NDE1: variants seen among roughly 807,000 people sequenced by gnomAD.
The protein encoded by NDE1 is nuclear distribution protein nudE homolog 1.
Under a neutral mutation model 43.4 loss-of-function variants are expected in NDE1, and 28 were observed. That is an observed-to-expected ratio of 0.65 (90% CI 0.48 to 0.89). The LOEUF is 0.89. NDE1 is among the 40% of genes least tolerant of loss of function. NDE1 has a pLI of 0.00. For synonymous variants in NDE1, 184 were observed against 172.0 expected (o/e 1.07, Z -0.55); for missense variants, 441 against 434.1 (o/e 1.02, Z -0.14).
chr16:15,658,623 A>G (rs376193889), intron 1 of NDE1, among the ~76,000 whole-genome samples: 46 of 152,324 alleles, frequency 3.0e-4, no homozygotes, highest in African/African-American at 1.0e-3. Context: ...AAGCAAAACT[A>G]CAAATCATTA....
chr16:15,686,418 T>G, intron 4 of NDE1: 1 of 985,446 alleles, frequency 1.0e-6, no homozygotes, highest in South Asian at 4.7e-5. Flanking sequence ...CCACAGTGTT[T>G]ATGCCCTTCA....
chr16:15,709,990 C>T lies in NDE1; in HGVS notation c.947+13130C>T, dbSNP rs149079935. On this transcript the variant is annotated intron_variant, in intron 8 of 8. Transcript: ENST00000396354. ...CTTGGTGAAACTCGCACTACAGTTC[C>T]TTCTTGGCTGAGGAGCCAGGCATGC... is the stretch of plus-strand genomic sequence containing the variant. Among the ~76,000 whole-genome samples the T allele has an allele frequency of 2.7e-4, 41 of 152,316 alleles. No homozygotes were observed. In the East Asian group the frequency reaches 7.5e-3, roughly 28 times the overall value.
chr16:15,719,400 C>G lies in NDE1; in HGVS notation c.948-4791C>G, dbSNP rs2040346946. 4 of 1,498,734 alleles carry G rather than the reference C, an allele frequency of 2.7e-6. No homozygotes were observed. The African/African-American group carries it at 5.5e-5, about 21-fold the overall frequency. The allele number at this position is 1,498,734 out of a possible 1,614,324, so 92.8% of individuals were successfully genotyped here. A position where few individuals can be genotyped will look rare whatever the true frequency, so the allele number is the denominator to read the frequency against. ...GACAACTCAGCCACCCTTGAAAGTA[C>G]ATGTTCTTCCTCTGAGCTCAGGGGA... On this transcript the variant is annotated intron_variant, in intron 8 of 8. Transcript: ENST00000396354.
At position 15,724,542 on chromosome 16, in the gene NDE1, T is replaced by C; in HGVS notation, c.*291T>C. 6.2e-7 allele frequency: 1 copy of C among 1,605,620 alleles called. No homozygotes were observed. The highest frequency in any genetic ancestry group is 8.5e-7 in the Non-Finnish European group (1 of 1,176,036). Reference sequence around the variant, plus strand: ...CCCAATAGCAGGGGAAGCTGGGGGGTCAAGCACCATCGCACCAACACTCCA... The same window carrying C: ...CCCAATAGCAGGGGAAGCTGGGGGGCCAAGCACCATCGCACCAACACTCCA... On this transcript the variant is annotated 3_prime_UTR_variant, in exon 9 of 9. Transcript: ENST00000396354.
At chr16:15,699,363 GA>G (rs2039145634) in intron 8 of NDE1, among the ~76,000 whole-genome samples, 1 of 150,814 alleles carries the variant, frequency 6.6e-6, no homozygotes, top group Non-Finnish European at 1.5e-5. Context: ...GGGCTCCAGC[GA>G]TCCTTCCACC....
intron 8 of NDE1, among the ~76,000 whole-genome samples, chr16:15,704,513 T>C (rs1248751112): frequency 2.6e-5 from 4 of 152,228 alleles, no homozygotes; most frequent in African/African-American, 4.8e-5. Context: ...GTCTTCTGAC[T>C]TTATTCATAG....
chr16:15,713,782 C>T (rs796657521), intron 8 of NDE1: 3 of 152,348 alleles, frequency 2.0e-5, no homozygotes, highest in East Asian at 3.9e-4. Context: ...CCGTGCCCAG[C>T]CAAGCTTGAG....
chr16:15,651,462 G>C (rs1402003023), intron 1 of NDE1: 1 of 62,336 alleles, frequency 1.6e-5, no homozygotes, highest in South Asian at 5.1e-4. Context: ...TTTTGTTTTT[G>C]AGACAGAGTC....
At chr16:15,687,088 C>T in intron 4 of NDE1, 1 of 1,285,278 alleles carries the variant, frequency 7.8e-7, no homozygotes, top group Non-Finnish European at 1.0e-6. Flanking sequence ...ATGCCACATG[C>T]AGTCCTGATA....
chr16:15,688,689 C>CTTTTTATTTTTA (rs1277177970), intron 5 of NDE1, among the ~76,000 whole-genome samples: 1 of 59,990 alleles, frequency 1.7e-5, no homozygotes, highest in Non-Finnish European at 3.0e-5. Context: ...TTGTTTTTAC[C>CTTTTTATTTTTA]TTTTTTTTTT....
At position 15,652,944 on chromosome 16, in the gene NDE1, A is replaced by G. The variant is rs75536368; in HGVS notation, c.-44+2650A>G. Among the ~76,000 whole-genome samples, 20 of 152,164 alleles carry G rather than the reference A, an allele frequency of 1.3e-4. No individual in the cohort carries two copies. The East Asian group carries it at 3.3e-3, about 25-fold the overall frequency. ...GCCTCCCAACGTGCCGGGGTGGGAGAGAGCCACCGCGCCTGGCCTAAGCTT... is the reference window on the plus strand; with the variant it reads ...GCCTCCCAACGTGCCGGGGTGGGAGGGAGCCACCGCGCCTGGCCTAAGCTT... On this transcript the variant is annotated intron_variant, in intron 1 of 8. Transcript: ENST00000396354.
chr16:15,699,276 T>C (rs1230093493), intron 8 of NDE1, among the ~76,000 whole-genome samples: 1 of 145,586 alleles, frequency 6.9e-6, no homozygotes, highest in Non-Finnish European at 1.5e-5. Flanking sequence ...TTTTTTTTTT[T>C]GGAGACAGGG....
In NDE1 at chr16:15,724,427, A is replaced by G; in HGVS notation, c.*176A>G. On this transcript the variant is annotated 3_prime_UTR_variant, in exon 9 of 9. Coordinates refer to ENST00000396354, the MANE Select transcript of NDE1 (RefSeq NM_017668.3). ...TCGGAGAGCTACAAGGACAGCGTCCAGGGTAGGGTGAGAGGGGGACCATGA... is the reference window on the plus strand; with the variant it reads ...TCGGAGAGCTACAAGGACAGCGTCCGGGGTAGGGTGAGAGGGGGACCATGA... 1.2e-6 allele frequency: 2 copies of G among 1,613,502 alleles called. No individual in the cohort carries two copies. The highest frequency in any genetic ancestry group is 8.5e-7 in the Non-Finnish European group (1 of 1,180,014).
intron 1 of NDE1, among the ~76,000 whole-genome samples, chr16:15,660,737 T>C (rs2037002200): frequency 6.6e-6 from 1 of 152,146 alleles, no homozygotes; most frequent in African/African-American, 2.4e-5. Flanking sequence ...GTGGATATTT[T>C]CCAGCCCTTA....
intron 1 of NDE1, among the ~76,000 whole-genome samples, chr16:15,654,614 A>AC (rs1478313282): frequency 6.7e-6 from 1 of 148,856 alleles, no homozygotes; most frequent in African/African-American, 2.5e-5. Flanking sequence ...AAAAAAAAAA[A>AC]AACAAAAAAA....
In NDE1 at chr16:15,719,603, G is replaced by A. The variant is rs751375975; in HGVS notation, c.948-4588G>A. 30 of 1,614,050 alleles carry A rather than the reference G, an allele frequency of 1.9e-5. No individual in the cohort carries two copies. The East Asian group carries it at 6.7e-4, about 36-fold the overall frequency. ...GCTTTACCTCTTGTAGCTGCATGAG[G>A]TCTGCTTCCAAGCTCTTGGCTTTCT... On this transcript the variant is annotated intron_variant, in intron 8 of 8. Coordinates refer to ENST00000396354, the MANE Select transcript of NDE1 (RefSeq NM_017668.3).
At chr16:15,721,193 C>A in intron 8 of NDE1, 1 of 1,017,834 alleles carries the variant, frequency 9.8e-7, no homozygotes, top group Admixed American at 2.0e-5. Context: ...TCAAGATGAC[C>A]CCTGAGAGTT....
intron 7 of NDE1, chr16:15,694,767 T>C (rs1385021369): frequency 1.0e-6 from 1 of 985,288 alleles, no homozygotes; most frequent in East Asian, 1.1e-4. Context: ...GAAGCCCTGC[T>C]CTGAACCCTA....
intron 8 of NDE1, among the ~76,000 whole-genome samples, chr16:15,698,711 A>G (rs908597257): frequency 2.6e-5 from 4 of 151,820 alleles, no homozygotes; most frequent in African/African-American, 9.7e-5. Flanking sequence ...AAATACGAAA[A>G]TTAGCCGGGC....
Sources: allele counts gnomAD v4.1 joint callset (sites outside exome capture counted in the v4.1 genomes callset), GRCh38; gene constraint gnomAD v4.1.1; transcripts MANE v1.5; gene names NCBI Gene and HGNC (gene_info 2026-07-23, HGNC 2026-07-21).